SOX5: variants seen among roughly 807,000 people sequenced by gnomAD.
The protein encoded by SOX5 is transcription factor SOX-5.
SOX5 carries 9 observed loss-of-function variants against 92.0 expected under a neutral mutation model. The ratio of observed to expected loss-of-function variants is 0.10; its 90% CI spans 0.06 to 0.17. The LOEUF (loss-of-function observed/expected upper bound fraction) is 0.17. Among genes scored for constraint, SOX5 ranks in the 10% least tolerant of loss-of-function variants. The pLI, the probability that SOX5 is intolerant of heterozygous loss-of-function variation, is 1.00. For synonymous variants in SOX5, 344 were observed against 336.3 expected (o/e 1.02, Z -0.25); for missense variants, 642 against 944.5 (o/e 0.68, Z 4.20).
chr12:23,570,927 AAAAATATATATATATAT>A (rs1948175977), intron 10 of SOX5, among the ~76,000 whole-genome samples: 1 of 24,484 alleles, frequency 4.1e-5, no homozygotes, highest in African/African-American at 1.8e-4. Flanking sequence ...AAAAAAAAAA[AAAAATATATATATATAT>A]ATATATATAT....
intron 7 of SOX5, among the ~76,000 whole-genome samples, chr12:23,657,025 A>G (rs1434556749): frequency 6.6e-6 from 1 of 152,110 alleles, no homozygotes; most frequent in African/African-American, 2.4e-5. Flanking sequence ...GAAATGTTTG[A>G]GTATACTCTT....
chr12:23,829,279 A>G (rs2096278185), intron 3 of SOX5, among the ~76,000 whole-genome samples: 1 of 152,168 alleles, frequency 6.6e-6, no homozygotes, highest in Non-Finnish European at 1.5e-5. Flanking sequence ...CCTCAAGGGT[A>G]ACTGAGTGAA....
intron 1 of SOX5, among the ~76,000 whole-genome samples, chr12:24,454,841 G>T (rs1393287533): frequency 6.6e-6 from 1 of 151,918 alleles, no homozygotes; most frequent in African/African-American, 2.4e-5. Context: ...AATTTGACAG[G>T]AACTCTATTA....
chr12:23,732,708 T>C (rs1324004813), intron 6 of SOX5, among the ~76,000 whole-genome samples: 2 of 152,172 alleles, frequency 1.3e-5, no homozygotes, highest in East Asian at 3.8e-4. Flanking sequence ...CCTAACACTT[T>C]GATCAAATAA....
At chr12:23,622,604 T>G (rs770666440) in intron 8 of SOX5, among the ~76,000 whole-genome samples, 1 of 152,098 alleles carries the variant, frequency 6.6e-6, no homozygotes, top group Non-Finnish European at 1.5e-5. Context: ...ATTTTTCCAG[T>G]AGCATTTTAT....
At chr12:23,856,192 A>G (rs1039046444) in intron 2 of SOX5, among the ~76,000 whole-genome samples, 1 of 152,114 alleles carries the variant, frequency 6.6e-6, no homozygotes, top group Admixed American at 6.6e-5. Context: ...CAGCACACAC[A>G]ATCACTGAGA....
At position 24,121,567 on chromosome 12, in the gene SOX5, CTT is replaced by C. The variant is rs11286069; in HGVS notation, c.-2+91774_-2+91775del. 1.2e-3 allele frequency among the ~76,000 whole-genome samples: 123 copies of C among 106,000 alleles called. No individual in the cohort carries two copies. In the South Asian group the frequency reaches 0.012, roughly 10 times the overall value. 69.5% of individuals were successfully genotyped at this position (106,000 alleles called of 152,430 possible). ...AAATCAGCAGTTTACAAATGGCTAACTTTTTTTTTTTTTTTTTTTTTTTGAGA... is the reference window on the plus strand; with the variant it reads ...AAATCAGCAGTTTACAAATGGCTAACTTTTTTTTTTTTTTTTTTTTTGAGA... On this transcript the variant is annotated intron_variant, in intron 4 of 4. Coordinates refer to the SOX5 transcript ENST00000446891.
intron 7 of SOX5, among the ~76,000 whole-genome samples, chr12:23,659,701 G>A (rs955551927): frequency 5.3e-5 from 8 of 152,136 alleles, no homozygotes; most frequent in Non-Finnish European, 1.2e-4. Context: ...GGCCAGGCAC[G>A]GTGGCTCACA....
chr12:23,983,105 A>ATTT (rs62869160), intron 4 of SOX5, among the ~76,000 whole-genome samples: 105 of 145,198 alleles, frequency 7.2e-4, no homozygotes, highest in African/African-American at 2.3e-3. Flanking sequence ...TCTGGAGTCC[A>ATTT]TTTTTTTTTT....
At chr12:23,961,586 G>A (rs1351084850) in intron 4 of SOX5, among the ~76,000 whole-genome samples, 4 of 151,972 alleles carry the variant, frequency 2.6e-5, no homozygotes, top group Non-Finnish European at 4.4e-5. Flanking sequence ...ATTTGTTGAG[G>A]TATCACCCCC....
chr12:23,841,954 A>T (rs1038295110), intron 3 of SOX5, among the ~76,000 whole-genome samples: 1 of 124,702 alleles, frequency 8.0e-6, no homozygotes, highest in Non-Finnish European at 1.7e-5. Flanking sequence ...CAACATAATA[A>T]GTGAGCCTTA....
chr12:23,951,444 CT>C (rs200867616), upstream of SOX5, among the ~76,000 whole-genome samples: 1 of 151,706 alleles, frequency 6.6e-6, no homozygotes, highest in Admixed American at 6.6e-5. Flanking sequence ...TTAGGTCCCA[CT>C]TTTTTTTCTG....
At chr12:23,768,882 A>T (rs2094828422) in intron 3 of SOX5, among the ~76,000 whole-genome samples, 1 of 152,196 alleles carries the variant, frequency 6.6e-6, no homozygotes, top group Non-Finnish European at 1.5e-5. Flanking sequence ...TCATTTCTAA[A>T]GAAAGAAACA....
chr12:23,723,566 T>TAA (rs1555292566), intron 6 of SOX5, among the ~76,000 whole-genome samples: 1 of 144,678 alleles, frequency 6.9e-6, no homozygotes, highest in East Asian at 2.0e-4. Flanking sequence ...AGGAGAAAAA[T>TAA]TATATATATA....
At chr12:23,744,992 G>T (rs1049396154) in intron 4 of SOX5, among the ~76,000 whole-genome samples, 1 of 152,034 alleles carries the variant, frequency 6.6e-6, no homozygotes, top group African/African-American at 2.4e-5. Context: ...TTCTTATAAA[G>T]ATACCAGTCA....
chr12:24,373,135 C>A lies in SOX5; in HGVS notation c.-250-4496G>T, dbSNP rs531270867. The stretch of plus-strand genomic sequence containing the variant: ...CCCAGTGTCAAGAGGAAAAAAAAAA[C>A]CAGACTTGGAAAACAACCATATGTT... On this transcript the variant is annotated intron_variant, in intron 1 of 4. Coordinates refer to the SOX5 transcript ENST00000446891. Among the ~76,000 whole-genome samples, 13 of 144,974 alleles carry A rather than the reference C, an allele frequency of 9.0e-5. No individual in the cohort carries two copies. In the East Asian group the frequency reaches 1.2e-3, roughly 13 times the overall value.
intron 4 of SOX5, among the ~76,000 whole-genome samples, chr12:24,204,608 C>T (rs773199555): frequency 3.3e-5 from 5 of 152,102 alleles, no homozygotes; most frequent in African/African-American, 4.8e-5. Context: ...AGATTACAGG[C>T]GTGAGCTACC....
At chr12:23,740,761 G>T in intron 5 of SOX5, 106 bp downstream of exon 5, 6 of 933,318 alleles carry the variant, frequency 6.4e-6, no homozygotes, top group South Asian at 2.5e-5. Flanking sequence ...TAACTGGGGA[G>T]GTGGAAGGGA....
At chr12:23,860,219 G>A (rs2096739526) in intron 2 of SOX5, among the ~76,000 whole-genome samples, 1 of 151,784 alleles carries the variant, frequency 6.6e-6, no homozygotes, top group Non-Finnish European at 1.5e-5. Context: ...CCTGGGTGAT[G>A]CAATAATATG....
Sources: allele counts gnomAD v4.1 joint callset (sites outside exome capture counted in the v4.1 genomes callset), GRCh38; gene constraint gnomAD v4.1.1; transcripts MANE v1.5; gene names NCBI Gene and HGNC (gene_info 2026-07-23, HGNC 2026-07-21).